The following RNF111 variants were observed in gnomAD, a reference collection of about 807,000 sequenced individuals.
RNF111 encodes E3 ubiquitin-protein ligase Arkadia.
RNF111 carries 17 observed loss-of-function variants against 95.1 expected under a neutral mutation model. The observed-to-expected ratio is 0.18, with a 90% CI of 0.12 to 0.27. RNF111 has a LOEUF of 0.27. Among genes scored for constraint, RNF111 ranks in the 10% least tolerant of loss-of-function variants. The pLI, the probability that RNF111 is intolerant of heterozygous loss-of-function variation, is 1.00. For synonymous variants in RNF111, 440 were observed against 414.8 expected (o/e 1.06, Z -0.74); for missense variants, 1,189 against 1,210.4 (o/e 0.98, Z 0.26).
At chr15:59,084,778 C>T (rs566260945) in intron 9 of RNF111, among the ~76,000 whole-genome samples, 1 of 152,226 alleles carries the variant, frequency 6.6e-6, no homozygotes, top group Admixed American at 6.5e-5. Flanking sequence ...CATGACCCCC[C>T]ACCCTCTCCC....
At chr15:59,069,042 C>G (rs969765721) in intron 6 of RNF111, among the ~76,000 whole-genome samples, 1 of 147,988 alleles carries the variant, frequency 6.8e-6, no homozygotes, top group East Asian at 2.0e-4. Context: ...CCACCACACT[C>G]CAGCCTTGGC....
At chr15:59,033,502 G>C (rs563112812) in intron 2 of RNF111, among the ~76,000 whole-genome samples, 1 of 152,180 alleles carries the variant, frequency 6.6e-6, no homozygotes, top group Non-Finnish European at 1.5e-5. Flanking sequence ...ATGAGGAGTT[G>C]TGTTGCTTAA....
At chr15:59,057,353 G>A (rs1300835135) in intron 4 of RNF111, among the ~76,000 whole-genome samples, 1 of 152,132 alleles carries the variant, frequency 6.6e-6, no homozygotes, top group African/African-American at 2.4e-5. Context: ...GCATATACAA[G>A]CATTTGGACA....
Position 59,058,554 on chromosome 15 carries a change from T to C in RNF111, c.1366+4T>C, listed in dbSNP as rs374173350. The C allele has an allele frequency of 3.1e-6, 5 of 1,613,236 alleles. No homozygotes were observed. The highest frequency in any genetic ancestry group is 3.3e-5 in the Admixed American group (2 of 59,994). On this transcript the variant is annotated splice_donor_region_variant and intron_variant, in intron 5 of 13. Transcript: ENST00000348370. ...ACCACTGGCACTTCTATAGGAGGTA[T>C]GTAAAAAAGTGGGGGAGGGGAGACT...
At chr15:59,074,286 C>T (rs2043069321) in intron 6 of RNF111, among the ~76,000 whole-genome samples, 1 of 152,192 alleles carries the variant, frequency 6.6e-6, no homozygotes, top group Non-Finnish European at 1.5e-5. Flanking sequence ...TCCTTGGAAA[C>T]TTTGAAGCCA....
intron 2 of RNF111, among the ~76,000 whole-genome samples, chr15:59,049,102 T>C (rs1440941991): frequency 1.3e-5 from 2 of 152,118 alleles, no homozygotes. Flanking sequence ...CAAAAAAGTA[T>C]ATTTACATTT....
At chr15:59,093,313 C>A (rs1018271588) in intron 13 of RNF111, 2 of 408,762 alleles carry the variant, frequency 4.9e-6, no homozygotes, top group African/African-American at 4.3e-5. Context: ...CCAGATTAGT[C>A]CTATGCAGTC....
intron 6 of RNF111, 92 bp from the exon 7 acceptor site, chr15:59,075,861 GT>G: frequency 3.0e-6 from 4 of 1,337,944 alleles, no homozygotes; most frequent in Non-Finnish European, 1.0e-6. Flanking sequence ...TAAAGATTAT[GT>G]TTTTTTGGTT....
At chr15:59,086,363 C>A (rs889357460) in intron 10 of RNF111, among the ~76,000 whole-genome samples, 3 of 152,184 alleles carry the variant, frequency 2.0e-5, no homozygotes, top group African/African-American at 7.2e-5. Context: ...AAGTGATCTG[C>A]CCACCTTGGC....
intron 6 of RNF111, among the ~76,000 whole-genome samples, chr15:59,072,332 T>A (rs1198471220): frequency 6.6e-6 from 1 of 152,216 alleles, no homozygotes; most frequent in African/African-American, 2.4e-5. Flanking sequence ...CCCATAGAAC[T>A]TCTTTCAGAA....
At chr15:59,057,011 G>T (rs1203500526) in intron 4 of RNF111, among the ~76,000 whole-genome samples, 1 of 152,040 alleles carries the variant, frequency 6.6e-6, no homozygotes, top group Non-Finnish European at 1.5e-5. Flanking sequence ...TTTCTCATTG[G>T]AAAGCTTCTC....
intron 1 of RNF111, among the ~76,000 whole-genome samples, chr15:59,024,414 T>C (rs181972051): frequency 1.4e-3 from 208 of 152,254 alleles, no homozygotes; most frequent in Middle Eastern, 6.8e-3. Context: ...TTGGAACTTA[T>C]ATTCTACTGA....
At chr15:59,063,786 C>A (rs1566923909) in intron 5 of RNF111, among the ~76,000 whole-genome samples, 1 of 152,192 alleles carries the variant, frequency 6.6e-6, no homozygotes, top group Non-Finnish European at 1.5e-5. Context: ...GTTACAAACT[C>A]ATACCCTGAC....
chr15:59,035,909 C>T (rs2041154500), intron 2 of RNF111, among the ~76,000 whole-genome samples: 1 of 152,154 alleles, frequency 6.6e-6, no homozygotes, highest in Admixed American at 6.5e-5. Flanking sequence ...TGGAGCTCTC[C>T]AAACTTTTGC....
chr15:58,988,154 G>T lies in RNF111; in HGVS notation c.-20+86G>T, dbSNP rs546074633. On this transcript the variant is annotated intron_variant, in intron 1 of 13. Coordinates refer to ENST00000348370, the MANE Select transcript of RNF111 (RefSeq NM_017610.8). Reference sequence around the variant, plus strand: ...GGGCCGGCCTGGAGGGGAGAAAGAGGAAGGGCTGCGGCCGCGGAAGGCTGG... The same window carrying T: ...GGGCCGGCCTGGAGGGGAGAAAGAGTAAGGGCTGCGGCCGCGGAAGGCTGG... 3.3e-5 allele frequency: 5 copies of T among 152,648 alleles called. No homozygotes were observed. The South Asian group carries it at 1.0e-3, about 31-fold the overall frequency. 9.5% of individuals were successfully genotyped at this position (152,648 alleles called of 1,614,324 possible).
chr15:59,069,855 A>G (rs150537261), intron 6 of RNF111, among the ~76,000 whole-genome samples: 222 of 152,072 alleles, frequency 1.5e-3, no homozygotes, highest in African/African-American at 5.3e-3. Flanking sequence ...TTTTGTAGAT[A>G]TCTTATGTTT....
At chr15:59,005,758 T>G (rs1204299718) in intron 1 of RNF111, among the ~76,000 whole-genome samples, 1 of 152,224 alleles carries the variant, frequency 6.6e-6, no homozygotes, top group East Asian at 1.9e-4. Flanking sequence ...CGTCTTTGCC[T>G]GGACGATTTC....
chr15:59,082,909 G>C (rs1435278561), intron 8 of RNF111, among the ~76,000 whole-genome samples: 1 of 152,138 alleles, frequency 6.6e-6, no homozygotes, highest in Non-Finnish European at 1.5e-5. Flanking sequence ...TTATCTTCCA[G>C]TAACTGGCAA....
intron 6 of RNF111, among the ~76,000 whole-genome samples, chr15:59,069,969 T>C (rs980910740): frequency 3.3e-5 from 5 of 149,910 alleles, no homozygotes; most frequent in African/African-American, 1.2e-4. Context: ...ATGATATGGC[T>C]TTCATCCCTA....
Sources: allele counts gnomAD v4.1 joint callset (sites outside exome capture counted in the v4.1 genomes callset), GRCh38; gene constraint gnomAD v4.1.1; transcripts MANE v1.5; gene names NCBI Gene and HGNC (gene_info 2026-07-23, HGNC 2026-07-21).